EAF2: variants seen among roughly 807,000 people sequenced by gnomAD.
EAF2 encodes ELL-associated factor 2.
EAF2 carries 29 observed loss-of-function variants against 29.4 expected under a neutral mutation model. That is an observed-to-expected ratio of 0.99 (90% CI 0.73 to 1.35). EAF2 has a LOEUF of 1.35. EAF2 is among the 40% of genes most tolerant of loss of function. The pLI is 0.00. For missense variants in EAF2, 292 were observed against 312.0 expected (o/e 0.94, Z 0.48); for synonymous variants, 103 against 102.5 (o/e 1.00, Z -0.03).
At chr3:121,862,900 A>G (rs941798722) in intron 4 of EAF2, among the ~76,000 whole-genome samples, 1 of 152,094 alleles carries the variant, frequency 6.6e-6, no homozygotes, top group Non-Finnish European at 1.5e-5. Flanking sequence ...TCTGTTTGTT[A>G]GTTTTCCTTC....
At chr3:121,866,496 C>T (rs562968026) in intron 4 of EAF2, among the ~76,000 whole-genome samples, 1 of 152,208 alleles carries the variant, frequency 6.6e-6, no homozygotes, top group South Asian at 2.1e-4. Flanking sequence ...GAGGCCAAGG[C>T]AAGCAGATCA....
chr3:121,877,023 A>G (rs964407639), intron 5 of EAF2, among the ~76,000 whole-genome samples: 1 of 151,996 alleles, frequency 6.6e-6, no homozygotes, highest in Non-Finnish European at 1.5e-5. Flanking sequence ...AGAAAAAAAG[A>G]TGCTAGCTAA....
intron 5 of EAF2, among the ~76,000 whole-genome samples, chr3:121,881,430 A>G (rs556104917): frequency 6.6e-6 from 1 of 151,896 alleles, no homozygotes; most frequent in African/African-American, 2.4e-5. Context: ...TCTTGGTTCA[A>G]TCTTGGTAGG....
intron 4 of EAF2, among the ~76,000 whole-genome samples, chr3:121,857,623 A>C (rs1474950942): frequency 6.6e-6 from 1 of 152,084 alleles, no homozygotes; most frequent in East Asian, 1.9e-4. Context: ...GATGTAGCTT[A>C]TGATTTTTAG....
intron 1 of EAF2, among the ~76,000 whole-genome samples, chr3:121,841,442 T>C (rs897608060): frequency 2.9e-5 from 4 of 136,618 alleles, no homozygotes; most frequent in Non-Finnish European, 6.1e-5. Context: ...GAGGCGTACG[T>C]TACAGTGAGC....
intron 5 of EAF2, among the ~76,000 whole-genome samples, 181 bp from the exon 6 acceptor site, chr3:121,886,161 A>AT (rs558310688): frequency 1.1e-4 from 16 of 152,084 alleles, no homozygotes; most frequent in Non-Finnish European, 1.8e-4. Context: ...TTAGTGGTAT[A>AT]TTTTTTCTTT....
At chr3:121,874,922 G>A (rs1920299) in intron 5 of EAF2, among the ~76,000 whole-genome samples, 33,433 of 151,432 alleles carry the variant, frequency 0.22, 4,274 homozygotes, top group Admixed American at 0.36. Flanking sequence ...TATTGGTAAG[G>A]ATCTTGGTAC....
chr3:121,835,431 G>C (rs1708245338), intron 1 of EAF2, 40 bp downstream of exon 1: 1 of 1,574,052 alleles, frequency 6.4e-7, no homozygotes, highest in African/African-American at 1.3e-5. Context: ...GGAGCCTCCC[G>C]GGATGGGGGT....
chr3:121,877,474 A>G (rs1483227825), intron 5 of EAF2, among the ~76,000 whole-genome samples: 1 of 152,054 alleles, frequency 6.6e-6, no homozygotes, highest in African/African-American at 2.4e-5. Context: ...GGACAAAGGC[A>G]ATAACAGATT....
At position 121,882,744 on chromosome 3, in the gene EAF2, G is replaced by A. The variant is rs577256626; in HGVS notation, c.737-3598G>A. Among the ~76,000 whole-genome samples, 66 of 151,194 alleles carry A rather than the reference G, an allele frequency of 4.4e-4. 1 individual carries two copies. Among genetic ancestry groups the A allele is most frequent in the South Asian group, 1.2e-3 (6 of 4,806 alleles). On this transcript the variant is annotated intron_variant, in intron 5 of 5. Transcript: ENST00000273668. ...AAAGATATATGCGAAAGTAAAGTCC[G>A]TAGTGTTTTTGTCTATCAGTAATAA...
intron 4 of EAF2, among the ~76,000 whole-genome samples, chr3:121,862,060 C>T (rs562566568): frequency 5.9e-5 from 9 of 152,300 alleles, no homozygotes; most frequent in East Asian, 1.9e-4. Context: ...TGATGGGCTT[C>T]GCTTTGTGGG....
At chr3:121,851,567 T>C (rs1490949602) in intron 2 of EAF2, among the ~76,000 whole-genome samples, 1 of 152,218 alleles carries the variant, frequency 6.6e-6, no homozygotes, top group African/African-American at 2.4e-5. Context: ...AGCAATTCTA[T>C]GTGGTTTGTA....
chr3:121,845,251 A>T (rs1285968516), intron 2 of EAF2, among the ~76,000 whole-genome samples: 2 of 152,064 alleles, frequency 1.3e-5, no homozygotes, highest in Admixed American at 1.3e-4. Flanking sequence ...CAGCTTGGCC[A>T]ACATGGTGAA....
At chr3:121,849,938 A>G (rs1708596430) in intron 2 of EAF2, among the ~76,000 whole-genome samples, 1 of 127,838 alleles carries the variant, frequency 7.8e-6, no homozygotes, top group Non-Finnish European at 1.7e-5. Context: ...ATATATATGT[A>G]TGTATATATA....
At chr3:121,840,184 C>T (rs1708385124) in intron 1 of EAF2, among the ~76,000 whole-genome samples, 1 of 94,686 alleles carries the variant, frequency 1.1e-5, no homozygotes, top group Admixed American at 1.3e-4. Context: ...GTGAGATTCT[C>T]TCAGGAAAAA....
chr3:121,881,387 C>T (rs2107549498), intron 5 of EAF2, among the ~76,000 whole-genome samples: 1 of 152,138 alleles, frequency 6.6e-6, no homozygotes, highest in South Asian at 2.1e-4. Flanking sequence ...AGTCTTATTA[C>T]TTGTACTTGA....
At position 121,857,026 on chromosome 3, in the gene EAF2, T is replaced by G. The variant is rs554577545; in HGVS notation, c.354T>G (p.Ser118Arg). ...TTAATTGCAGAGTTGAAGGAAGCAG[T>G]AAAATTCAGTATCGTAAAGAACAAC... ...TVKKTRVEGS[S>R]KIQYRKEQQQ... The change falls in exon 4 of 6, where the codon AGT becomes AGG. Residue 118 changes from serine to arginine, a missense_variant. Transcript: ENST00000273668. 2 of 1,612,076 alleles carry G rather than the reference T, an allele frequency of 1.2e-6. No individual in the cohort carries two copies. Among genetic ancestry groups the G allele is most frequent in the South Asian group, 1.1e-5 (1 of 90,604 alleles).
intron 1 of EAF2, among the ~76,000 whole-genome samples, chr3:121,839,590 G>C (rs947101638): frequency 1.3e-5 from 2 of 152,084 alleles, no homozygotes; most frequent in African/African-American, 2.4e-5. Flanking sequence ...GAAGTATACC[G>C]GTGAAAAGTA....
intron 2 of EAF2, among the ~76,000 whole-genome samples, chr3:121,848,890 A>G (rs1708579771): frequency 6.6e-6 from 1 of 151,370 alleles, no homozygotes; most frequent in Non-Finnish European, 1.5e-5. Flanking sequence ...CCCCCCCCAC[A>G]CAAAAAAAAG....
Sources: gnomAD v4.1 joint callset for allele counts (sites outside exome capture counted in the v4.1 genomes callset) on GRCh38, gnomAD v4.1.1 for gene constraint, MANE v1.5 for transcripts, NCBI Gene and HGNC (gene_info 2026-07-23, HGNC 2026-07-21) for gene names.